Variants in RBFOX1 observed in about 807,000 individuals in gnomAD.
RBFOX1 encodes RNA binding fox-1 homolog 1.
In RBFOX1, 8 loss-of-function variants were observed where a neutral mutation model predicts 57.7. That is an observed-to-expected ratio of 0.14 (90% CI 0.08 to 0.25). The LOEUF (loss-of-function observed/expected upper bound fraction) is 0.25. Among genes scored for constraint, RBFOX1 ranks in the 10% least tolerant of loss-of-function variants. The pLI, the probability that RBFOX1 is intolerant of heterozygous loss-of-function variation, is 1.00. For missense variants in RBFOX1, 611 were observed against 548.5 expected (o/e 1.11, Z -1.14); for synonymous variants, 326 against 222.4 (o/e 1.47, Z -4.15).
chr16:6,541,612 T>C (rs1462493272), intron 2 of RBFOX1, among the ~76,000 whole-genome samples: 1 of 152,196 alleles, frequency 6.6e-6, no homozygotes, highest in Non-Finnish European at 1.5e-5. Context: ...GGATAGGATA[T>C]GACTTATGTT....
chr16:6,153,201 C>T (rs1367367984), intron 1 of RBFOX1, among the ~76,000 whole-genome samples: 3 of 152,002 alleles, frequency 2.0e-5, no homozygotes, highest in Non-Finnish European at 2.9e-5. Flanking sequence ...AAACACTAAG[C>T]AAAAGAAGTT....
chr16:5,854,853 A>G (rs1406271739), intron 3 of RBFOX1, among the ~76,000 whole-genome samples: 2 of 152,156 alleles, frequency 1.3e-5, no homozygotes, highest in Non-Finnish European at 2.9e-5. Flanking sequence ...ACAATGTAGA[A>G]AGGTACCCTT....
chr16:6,158,166 C>G (rs1183260698), intron 1 of RBFOX1, among the ~76,000 whole-genome samples: 2 of 152,252 alleles, frequency 1.3e-5, no homozygotes, highest in Non-Finnish European at 2.9e-5. Flanking sequence ...ACTTTAGTCA[C>G]TAGGTATCAG....
At chr16:6,833,834 G>T (rs192623621) in intron 3 of RBFOX1, among the ~76,000 whole-genome samples, 228 of 152,276 alleles carry the variant, frequency 1.5e-3, no homozygotes, top group African/African-American at 5.2e-3. Flanking sequence ...TAGGAAGAGA[G>T]ATGGAAAGGA....
At chr16:6,745,949 A>C (rs2073505312) in intron 3 of RBFOX1, among the ~76,000 whole-genome samples, 1 of 152,244 alleles carries the variant, frequency 6.6e-6, no homozygotes, top group Non-Finnish European at 1.5e-5. Flanking sequence ...ATGCAGTATC[A>C]ATATATGTAA....
chr16:6,698,034 A>G (rs2061312265), intron 3 of RBFOX1, among the ~76,000 whole-genome samples: 1 of 152,318 alleles, frequency 6.6e-6, no homozygotes, highest in South Asian at 2.1e-4. Context: ...TAAACTAACT[A>G]GAATTGTCTC....
chr16:7,206,353 C>T (rs185239630), intron 4 of RBFOX1, among the ~76,000 whole-genome samples: 1 of 151,766 alleles, frequency 6.6e-6, no homozygotes, highest in East Asian at 1.9e-4. Flanking sequence ...GCCAAGTAAG[C>T]CTAACATACC....
chr16:6,012,967 A>C (rs2094970551), intron 4 of RBFOX1, among the ~76,000 whole-genome samples: 2 of 152,224 alleles, frequency 1.3e-5, no homozygotes, highest in Admixed American at 1.3e-4. Flanking sequence ...AGTCATTTAC[A>C]AGGAGAATAG....
intron 7 of RBFOX1, among the ~76,000 whole-genome samples, chr16:7,593,181 G>C (rs1029847804): frequency 1.3e-5 from 2 of 152,082 alleles, no homozygotes; most frequent in African/African-American, 4.8e-5. Flanking sequence ...TCAAATCACT[G>C]GGCCACACAT....
intron 3 of RBFOX1, among the ~76,000 whole-genome samples, chr16:7,039,869 C>T (rs61642487): frequency 1.3e-5 from 2 of 151,990 alleles, no homozygotes; most frequent in African/African-American, 2.4e-5. Flanking sequence ...TTTTTATTTT[C>T]TGTTTGTACT....
intron 10 of RBFOX1, among the ~76,000 whole-genome samples, chr16:7,628,033 C>T (rs1196107152): frequency 6.6e-6 from 1 of 151,872 alleles, no homozygotes; most frequent in Non-Finnish European, 1.5e-5. Flanking sequence ...CAGAGGTTAG[C>T]TTTCCAGGCA....
chr16:6,953,044 A>C (rs939343278), intron 3 of RBFOX1, among the ~76,000 whole-genome samples: 1 of 152,188 alleles, frequency 6.6e-6, no homozygotes, highest in African/African-American at 2.4e-5. Flanking sequence ...ATTAAGCATT[A>C]TTATTTCTAT....
At chr16:6,256,958 G>T (rs148866449) in intron 1 of RBFOX1, among the ~76,000 whole-genome samples, 3 of 152,076 alleles carry the variant, frequency 2.0e-5, no homozygotes, top group African/African-American at 4.8e-5. Flanking sequence ...ACCCCAAAGC[G>T]TAAACCTTAC....
At chr16:6,645,615 G>A (rs1024932628) in intron 2 of RBFOX1, among the ~76,000 whole-genome samples, 2 of 152,160 alleles carry the variant, frequency 1.3e-5, no homozygotes, top group African/African-American at 4.8e-5. Context: ...ACACATGAGT[G>A]CTTTGATGTC....
At chr16:5,621,544 G>A (rs2048201403) in intron 3 of RBFOX1, among the ~76,000 whole-genome samples, 1 of 152,106 alleles carries the variant, frequency 6.6e-6, no homozygotes, top group East Asian at 1.9e-4. Flanking sequence ...AGGGCAGGAG[G>A]GTTTACATAG....
intron 4 of RBFOX1, among the ~76,000 whole-genome samples, chr16:7,076,897 T>C (rs773479276): frequency 6.6e-5 from 10 of 152,220 alleles, no homozygotes; most frequent in Non-Finnish European, 1.5e-4. Context: ...AACAGACTGC[T>C]GGTTGTTGTC....
At chr16:6,883,210 A>G (rs1432616755) in intron 3 of RBFOX1, among the ~76,000 whole-genome samples, 1 of 152,216 alleles carries the variant, frequency 6.6e-6, no homozygotes, top group Non-Finnish European at 1.5e-5. Context: ...GAAAGAAAGT[A>G]CTTAGCTTAG....
Position 5,791,523 on chromosome 16 carries a change from G to A in RBFOX1, c.319-75780G>A, listed in dbSNP as rs147020293. On this transcript the variant is annotated intron_variant, in intron 3 of 19. Coordinates refer to the RBFOX1 transcript ENST00000641259. ...TTCATGCCTCTGTTCTCACTGCCTG[G>A]CACAGTAACTGACAGGCAGGCAGCA... Among the ~76,000 whole-genome samples, 357 of 152,224 alleles carry A rather than the reference G, an allele frequency of 2.3e-3. 1 individual carries two copies. The highest frequency in any genetic ancestry group is 7.5e-3 in the African/African-American group (312 of 41,538).
intron 3 of RBFOX1, among the ~76,000 whole-genome samples, chr16:5,836,539 G>A (rs930423198): frequency 6.6e-6 from 1 of 152,016 alleles, no homozygotes; most frequent in African/African-American, 2.4e-5. Context: ...TGCCCTTCAC[G>A]TCCACTTCAT....
Sources: allele counts gnomAD v4.1 joint callset (sites outside exome capture counted in the v4.1 genomes callset), GRCh38; gene constraint gnomAD v4.1.1; transcripts MANE v1.5; gene names NCBI Gene and HGNC (gene_info 2026-07-23, HGNC 2026-07-21).